PRELID2: variants seen among roughly 807,000 people sequenced by gnomAD.
The protein encoded by PRELID2 is PRELI domain containing 2.
PRELID2 carries 25 observed loss-of-function variants against 28.4 expected under a neutral mutation model. That is an observed-to-expected ratio of 0.88 (90% CI 0.64 to 1.23). PRELID2 has a LOEUF of 1.23. Among genes scored for constraint, PRELID2 ranks in the 50% most tolerant of loss-of-function variants. The pLI, the probability that PRELID2 is intolerant of heterozygous loss-of-function variation, is 0.00. For missense variants in PRELID2, 201 were observed against 214.4 expected (o/e 0.94, Z 0.39); for synonymous variants, 76 against 71.6 (o/e 1.06, Z -0.31).
the PRELID2 span, among the ~76,000 whole-genome samples, chr5:145,292,343 C>T: frequency 4.6e-5 from 7 of 152,094 alleles, no homozygotes; most frequent in African/African-American, 1.7e-4. Flanking sequence ...TGAGTTTCTG[C>T]TCTACGGCTG....
chr5:145,676,678 A>G (rs1305890107), intron 1 of PRELID2, among the ~76,000 whole-genome samples: 1 of 152,248 alleles, frequency 6.6e-6, no homozygotes, highest in Non-Finnish European at 1.5e-5. Flanking sequence ...AAAGAGTGAC[A>G]ATAAGGGATA....
the PRELID2 span, among the ~76,000 whole-genome samples, chr5:145,247,421 A>C: frequency 6.6e-6 from 1 of 152,154 alleles, no homozygotes; most frequent in East Asian, 1.9e-4. Flanking sequence ...AGGTGAACCC[A>C]CTGGGTGGTT....
the PRELID2 span, among the ~76,000 whole-genome samples, chr5:145,423,853 C>T: frequency 7.1e-6 from 1 of 141,068 alleles, no homozygotes; most frequent in African/African-American, 2.6e-5. Flanking sequence ...TGTTTTTTCC[C>T]CATCTTTGTG....
the PRELID2 span, among the ~76,000 whole-genome samples, chr5:145,387,608 C>A: frequency 3.9e-5 from 6 of 152,132 alleles, no homozygotes; most frequent in East Asian, 1.9e-4. Flanking sequence ...TTTGACCATA[C>A]ATGGCTTCTA....
At chr5:145,339,544 T>A in the PRELID2 span, among the ~76,000 whole-genome samples, 1 of 152,152 alleles carries the variant, frequency 6.6e-6, no homozygotes, top group Non-Finnish European at 1.5e-5. Flanking sequence ...AGCAGCTGCA[T>A]CTTAGTGCCA....
At chr5:145,433,214 A>C in the PRELID2 span, among the ~76,000 whole-genome samples, 1 of 152,168 alleles carries the variant, frequency 6.6e-6, no homozygotes, top group Non-Finnish European at 1.5e-5. Context: ...TTTTAATGAC[A>C]AAAGGAAAAG....
intron 1 of PRELID2, among the ~76,000 whole-genome samples, chr5:145,706,999 T>A (rs1755565723): frequency 6.6e-6 from 1 of 152,184 alleles, no homozygotes; most frequent in Non-Finnish European, 1.5e-5. Flanking sequence ...GCCTGCTCAT[T>A]CTGAATCTGC....
chr5:145,482,527 C>T (rs1580953523), intron 1 of PRELID2, among the ~76,000 whole-genome samples: 1 of 152,050 alleles, frequency 6.6e-6, no homozygotes, highest in Non-Finnish European at 1.5e-5. Flanking sequence ...GCTTTTTCCA[C>T]ATTATCTCAC....
At chr5:145,664,029 A>T (rs1754542069) in intron 1 of PRELID2, among the ~76,000 whole-genome samples, 1 of 152,142 alleles carries the variant, frequency 6.6e-6, no homozygotes, top group East Asian at 1.9e-4. Context: ...TCCAGGCCTC[A>T]TCATTTGCTA....
intron 1 of PRELID2, among the ~76,000 whole-genome samples, chr5:145,499,075 C>T (rs913641297): frequency 4.6e-5 from 7 of 151,996 alleles, no homozygotes; most frequent in African/African-American, 1.7e-4. Flanking sequence ...TAGCAAGACT[C>T]CATCACTAGG....
chr5:145,587,362 C>T (rs1199448945), intron 1 of PRELID2, among the ~76,000 whole-genome samples: 1 of 152,084 alleles, frequency 6.6e-6, no homozygotes, highest in Non-Finnish European at 1.5e-5. Context: ...TTCTAGCCTT[C>T]GGGCCCGGGT....
the PRELID2 span, among the ~76,000 whole-genome samples, chr5:145,258,877 T>G: frequency 1.3e-5 from 2 of 152,090 alleles, no homozygotes; most frequent in African/African-American, 4.8e-5. Context: ...GGCCAGCCCC[T>G]CCTATCACAG....
chr5:145,546,913 C>G (rs571160839), intron 1 of PRELID2, among the ~76,000 whole-genome samples: 17 of 152,294 alleles, frequency 1.1e-4, no homozygotes, highest in African/African-American at 3.6e-4. Context: ...GTTTTGTGAT[C>G]TGGAGCAAGT....
chr5:145,425,856 A>G, the PRELID2 span, among the ~76,000 whole-genome samples: 10 of 152,164 alleles, frequency 6.6e-5, no homozygotes, highest in Non-Finnish European at 1.0e-4. Context: ...TGAAGAAAAA[A>G]AAAATAATTC....
chr5:145,490,751 G>A (rs1480705517), intron 1 of PRELID2, among the ~76,000 whole-genome samples: 2 of 152,086 alleles, frequency 1.3e-5, no homozygotes, highest in Non-Finnish European at 2.9e-5. Flanking sequence ...AATAAAACAG[G>A]ATAAATTACT....
At chr5:145,430,061 G>A in the PRELID2 span, 2 of 152,196 alleles carry the variant, frequency 1.3e-5, no homozygotes, top group Non-Finnish European at 2.9e-5. Context: ...TTAGTCTCAT[G>A]GGAAATAGTA....
intron 1 of PRELID2, among the ~76,000 whole-genome samples, chr5:145,625,795 GATT>G (rs1372020829): frequency 6.6e-6 from 1 of 152,114 alleles, no homozygotes; most frequent in Non-Finnish European, 1.5e-5. Context: ...ACCATATGTG[GATT>G]ACAATGTTAA....
intron 1 of PRELID2, among the ~76,000 whole-genome samples, chr5:145,724,610 T>A (rs1243215103): frequency 7.4e-4 from 37 of 50,182 alleles, no homozygotes; most frequent in African/African-American, 4.7e-3. Flanking sequence ...AATATATATA[T>A]ATATATATAT....
intron 1 of PRELID2, among the ~76,000 whole-genome samples, chr5:145,586,448 G>A (rs1753156107): frequency 6.6e-6 from 1 of 152,070 alleles, no homozygotes; most frequent in African/African-American, 2.4e-5. Flanking sequence ...TTCACAACCA[G>A]CCTGGGCAAT....
Sources: allele counts gnomAD v4.1 joint callset (sites outside exome capture counted in the v4.1 genomes callset), GRCh38; gene constraint gnomAD v4.1.1; transcripts MANE v1.5; gene names NCBI Gene and HGNC (gene_info 2026-07-23, HGNC 2026-07-21).